The following CLVS1 variants were observed in gnomAD, a reference collection of about 807,000 sequenced individuals.
CLVS1 encodes clavesin 1.
CLVS1 carries 10 observed loss-of-function variants against 33.1 expected under a neutral mutation model. That is an observed-to-expected ratio of 0.30 (90% CI 0.19 to 0.51). The LOEUF (loss-of-function observed/expected upper bound fraction) is 0.51, where lower values mean the gene tolerates loss of function less well. Among genes scored for constraint, CLVS1 ranks in the 20% least tolerant of loss-of-function variants. The pLI is 0.97. For missense variants in CLVS1, 343 were observed against 433.4 expected (o/e 0.79, Z 1.85); for synonymous variants, 163 against 166.1 (o/e 0.98, Z 0.14).
intron 2 of CLVS1, among the ~76,000 whole-genome samples, chr8:61,178,738 G>A (rs1228221827): frequency 1.2e-4 from 18 of 151,948 alleles, no homozygotes; most frequent in South Asian, 6.2e-4. Flanking sequence ...TTTCATATCC[G>A]GACAAACTAA....
intron 2 of CLVS1, among the ~76,000 whole-genome samples, chr8:61,230,664 T>A (rs980327198): frequency 1.3e-5 from 2 of 152,260 alleles, no homozygotes; most frequent in African/African-American, 4.8e-5. Context: ...CCTTTCCTGC[T>A]CATCACTCAA....
At chr8:60,980,828 T>G in the CLVS1 span, among the ~76,000 whole-genome samples, 5 of 152,102 alleles carry the variant, frequency 3.3e-5, no homozygotes, top group Non-Finnish European at 7.4e-5. Context: ...TGTGATTAAA[T>G]TAAGGACCTT....
At chr8:61,114,302 C>T (rs1475362043) in intron 1 of CLVS1, among the ~76,000 whole-genome samples, 1 of 152,202 alleles carries the variant, frequency 6.6e-6, no homozygotes, top group Non-Finnish European at 1.5e-5. Context: ...CAATCCCACC[C>T]ATAGATATAA....
chr8:61,162,879 G>A, intron 2 of CLVS1, among the ~76,000 whole-genome samples: 1 of 152,134 alleles, frequency 6.6e-6, no homozygotes, highest in East Asian at 1.9e-4. Flanking sequence ...TTGCCTGCCA[G>A]CTGGGGGCAT....
intron 5 of CLVS1, chr8:61,465,578 C>A (rs573825405): frequency 3.3e-5 from 5 of 152,216 alleles, no homozygotes; most frequent in South Asian, 2.1e-4. Flanking sequence ...CCATGGTGGG[C>A]TTTTGAGGTG....
rs530262847 is a variant in CLVS1, at chr8:61,068,558, A to G, written c.-243+11328A>G. On this transcript the variant is annotated intron_variant, in intron 1 of 2. Transcript: ENST00000522621. ...ATAGCCTCCCCCGACTCCTCTCAAG[A>G]CCCATTCTCAATTCCTGCTCCCCTC... Among the ~76,000 whole-genome samples the G allele has an allele frequency of 2.4e-4, 36 of 151,988 alleles. No homozygotes were observed. The South Asian group carries it at 5.6e-3, about 24-fold the overall frequency.
intron 2 of CLVS1, among the ~76,000 whole-genome samples, chr8:61,246,979 C>A (rs960838440): frequency 6.6e-6 from 1 of 152,070 alleles, no homozygotes. Context: ...CTCAAGCAGA[C>A]CCCAGTGTCT....
At chr8:61,438,179 C>G (rs551290898) in intron 3 of CLVS1, among the ~76,000 whole-genome samples, 1 of 152,066 alleles carries the variant, frequency 6.6e-6, no homozygotes, top group Non-Finnish European at 1.5e-5. Flanking sequence ...CTGCTCGCAC[C>G]CCCAACCTCC....
chr8:61,137,219 G>A (rs12678909), intron 2 of CLVS1, among the ~76,000 whole-genome samples: 1 of 152,082 alleles, frequency 6.6e-6, no homozygotes, highest in African/African-American at 2.4e-5. Context: ...AATGACCTTA[G>A]GAAAGTCTGA....
At chr8:61,355,720 A>G (rs974561320) in intron 2 of CLVS1, among the ~76,000 whole-genome samples, 3 of 151,648 alleles carry the variant, frequency 2.0e-5, no homozygotes, top group Non-Finnish European at 2.9e-5. Flanking sequence ...AATTTCATCC[A>G]TGTCCCTACA....
chr8:61,282,992 G>T (rs1359437633), upstream of CLVS1, among the ~76,000 whole-genome samples: 1 of 152,218 alleles, frequency 6.6e-6, no homozygotes, highest in Non-Finnish European at 1.5e-5. Flanking sequence ...TGCCTTCCAT[G>T]ATATAGTCTG....
intron 3 of CLVS1, among the ~76,000 whole-genome samples, chr8:61,430,631 G>A (rs1464958758): frequency 6.6e-6 from 1 of 152,136 alleles, no homozygotes; most frequent in East Asian, 1.9e-4. Flanking sequence ...GGGGTCCCAG[G>A]TTCCAGTGAT....
chr8:61,448,089 A>G (rs1224865607), intron 3 of CLVS1, among the ~76,000 whole-genome samples: 3 of 151,826 alleles, frequency 2.0e-5, no homozygotes. Context: ...TCTGGCTTCC[A>G]TGGTGTCTAA....
chr8:61,359,596 T>C (rs1812886614), intron 2 of CLVS1, among the ~76,000 whole-genome samples: 1 of 152,156 alleles, frequency 6.6e-6, no homozygotes, highest in African/African-American at 2.4e-5. Context: ...CCTTGGGTGA[T>C]CCACCTGCCT....
Position 61,297,699 on chromosome 8 carries a change from A to G in CLVS1, c.-151-1978A>G, listed in dbSNP as rs554359785. 2.8e-4 allele frequency among the ~76,000 whole-genome samples: 42 copies of G among 152,274 alleles called. No homozygotes were observed. The South Asian group carries it at 8.5e-3, about 31-fold the overall frequency. On this transcript the variant is annotated intron_variant, in intron 1 of 5. Transcript: ENST00000325897. ...GGACTGATGTTGTAGATGGCAGATC[A>G]TGGGGGCAGGATCTTAGAGAACACT...
intron 5 of CLVS1, among the ~76,000 whole-genome samples, chr8:61,476,078 C>G (rs1313102543): frequency 2.0e-5 from 3 of 152,110 alleles, no homozygotes; most frequent in African/African-American, 4.8e-5. Context: ...GCTTGTTTTT[C>G]TCAGGTTTGT....
chr8:61,155,292 AG>A (rs1774583249), intron 2 of CLVS1, among the ~76,000 whole-genome samples: 1 of 152,194 alleles, frequency 6.6e-6, no homozygotes, highest in Admixed American at 6.5e-5. Context: ...TCCCCAATGC[AG>A]GATTTTCTGC....
intron 2 of CLVS1, among the ~76,000 whole-genome samples, chr8:61,252,406 G>A (rs760168754): frequency 6.6e-6 from 1 of 152,134 alleles, no homozygotes; most frequent in Non-Finnish European, 1.5e-5. Flanking sequence ...GATTTGGGGT[G>A]GAGAGTTCTT....
intron 2 of CLVS1, among the ~76,000 whole-genome samples, chr8:61,173,061 C>T (rs538660637): frequency 1.4e-3 from 215 of 152,136 alleles, no homozygotes; most frequent in Non-Finnish European, 2.2e-3. Context: ...AAAATTCTGC[C>T]TCATGTGTCA....
Sources: allele counts gnomAD v4.1 joint callset (sites outside exome capture counted in the v4.1 genomes callset), GRCh38; gene constraint gnomAD v4.1.1; transcripts MANE v1.5; gene names NCBI Gene and HGNC (gene_info 2026-07-23, HGNC 2026-07-21).